The following PLAC1 variants were observed in gnomAD, a reference collection of about 807,000 sequenced individuals.
PLAC1 encodes the protein placenta associated 1, also known as placenta-specific protein 1.
For missense variants in PLAC1, 136 were observed against 163.2 expected (o/e 0.83, Z 0.91); for synonymous variants, 68 against 62.1 (o/e 1.09, Z -0.44).
chrX:134,690,994 ATATATATATATATATATATATATATATG>A (rs1232195932), intron 2 of PLAC1, among the ~76,000 whole-genome samples: 15 of 10,091 alleles, frequency 1.5e-3, no homozygotes, highest in East Asian at 0.013. Context: ...ATATATATAT[ATATATATATATATATATATATATATATG>A]TATATATCAT....
At chrX:134,662,629 T>C (rs1461982651), upstream of PLAC1, among the ~76,000 whole-genome samples, 1 of 112,657 alleles carries the variant, frequency 8.9e-6, no homozygotes, top group Non-Finnish European at 1.9e-5. Flanking sequence ...ACTATGTGGC[T>C]ACAAAGCCTG....
At chrX:134,700,233 A>T (rs764439348) in intron 2 of PLAC1, among the ~76,000 whole-genome samples, 2 of 111,079 alleles carry the variant, frequency 1.8e-5, no homozygotes. Flanking sequence ...TTCTCCCCTA[A>T]CTCCATGAGA....
At chrX:134,763,821 AAAAAAAGAAAG>A (rs1471866123) in intron 1 of PLAC1, among the ~76,000 whole-genome samples, 4 of 61,416 alleles carry the variant, frequency 6.5e-5, no homozygotes, top group African/African-American at 2.2e-4. Context: ...AACTCCGAAA[AAAAAAAGAAAG>A]AAAGAAAGAA....
At chrX:134,727,956 C>A (rs776343643) in intron 2 of PLAC1, among the ~76,000 whole-genome samples, 15 of 111,910 alleles carry the variant, frequency 1.3e-4, no homozygotes, top group Non-Finnish European at 2.4e-4. Context: ...TATTTTAAAA[C>A]AACCAAATAG....
Position 134,566,686 on chromosome X carries a change from T to C in PLAC1, c.-4A>G. Reference sequence around the variant, plus strand: ...CTATGAACTTAAAAACTTTCATCCCTGCAGCCAATCAGATAATGAACCACA... The same window carrying C: ...CTATGAACTTAAAAACTTTCATCCCCGCAGCCAATCAGATAATGAACCACA... On this transcript the variant is annotated 5_prime_UTR_variant, in exon 3 of 3. Transcript: ENST00000359237. The C allele has an allele frequency of 8.5e-7, 1 of 1,177,094 alleles. No individual in the cohort carries two copies. The highest frequency in any genetic ancestry group is 1.1e-6 in the Non-Finnish European group (1 of 873,683).
chrX:134,711,876 G>A (rs1405302076), intron 2 of PLAC1, among the ~76,000 whole-genome samples: 1 of 109,002 alleles, frequency 9.2e-6, no homozygotes, highest in East Asian at 2.9e-4. Context: ...TACTGAGGTC[G>A]CATCTACACA....
chrX:134,591,998 T>C (rs965551710), intron 2 of PLAC1, among the ~76,000 whole-genome samples: 3 of 112,482 alleles, frequency 2.7e-5, no homozygotes, highest in Non-Finnish European at 5.6e-5. Context: ...GATTTTGTTT[T>C]ACTGTTGAGT....
At chrX:134,671,590 G>GGAGAGAGAGA (rs567116941) in intron 2 of PLAC1, among the ~76,000 whole-genome samples, 3 of 104,811 alleles carry the variant, frequency 2.9e-5, no homozygotes, top group Non-Finnish European at 5.9e-5. Flanking sequence ...TGGTAGAACA[G>GGAGAGAGAGA]GAGAGAGAGA....
At chrX:134,701,252 G>T (rs1405766771) in intron 2 of PLAC1, among the ~76,000 whole-genome samples, 2 of 111,550 alleles carry the variant, frequency 1.8e-5, no homozygotes, top group East Asian at 5.6e-4. Flanking sequence ...GAATGAAACT[G>T]GACCCCTACC....
chrX:134,604,314 A>C (rs4609342), intron 1 of PLAC1, among the ~76,000 whole-genome samples: 4 of 111,533 alleles, frequency 3.6e-5, no homozygotes, highest in South Asian at 7.4e-4. Flanking sequence ...TTAGGATTCC[A>C]TTCCCTAATA....
At chrX:134,724,127 G>A (rs1030498392) in intron 2 of PLAC1, among the ~76,000 whole-genome samples, 2 of 112,002 alleles carry the variant, frequency 1.8e-5, no homozygotes, top group South Asian at 3.7e-4. Context: ...ACATGACAAC[G>A]CAATGCCAGG....
chrX:134,578,518 T>TC (rs1293121263), intron 2 of PLAC1, among the ~76,000 whole-genome samples: 102 of 87,967 alleles, frequency 1.2e-3, no homozygotes, highest in South Asian at 0.011. Context: ...TTTCTTTCTT[T>TC]TTTTTTTTTT....
intron 2 of PLAC1, among the ~76,000 whole-genome samples, chrX:134,684,499 G>A (rs1031940296): frequency 9.2e-6 from 1 of 108,281 alleles, no homozygotes; most frequent in Admixed American, 1.0e-4. Context: ...GAAAATCTCA[G>A]TATTTTCATA....
chrX:134,669,341 G>A (rs1026291815), intron 2 of PLAC1, among the ~76,000 whole-genome samples: 11 of 112,150 alleles, frequency 9.8e-5, no homozygotes, highest in Non-Finnish European at 1.9e-4. Context: ...TTCCCTAGCC[G>A]TGTGATGTTG....
rs147020029 is a variant in PLAC1 at position 134,648,994 on chromosome X, C to T, written c.-131+9334G>A. 4.7e-3 allele frequency among the ~76,000 whole-genome samples: 525 copies of T among 111,631 alleles called. 2 individuals are homozygous for T. Among genetic ancestry groups the T allele is most frequent in the African/African-American group, 0.016 (500 of 30,671 alleles). On this transcript the variant is annotated intron_variant, in intron 1 of 2. Coordinates refer to ENST00000359237, the MANE Select transcript of PLAC1 (RefSeq NM_021796.4). The stretch of plus-strand genomic sequence containing the variant: ...TATATTAAAGACAAAGCAGGCCGGG[C>T]GCAGTGGCTCACGTCTGTAATCCCA...
intron 1 of PLAC1, among the ~76,000 whole-genome samples, chrX:134,637,518 G>C (rs954647542): frequency 1.8e-5 from 2 of 111,879 alleles, no homozygotes; most frequent in African/African-American, 6.5e-5. Context: ...AAAGTTTAGA[G>C]ATAGTAAAGG....
intron 1 of PLAC1, among the ~76,000 whole-genome samples, chrX:134,604,825 C>G (rs2078114793): frequency 9.0e-6 from 1 of 111,452 alleles, no homozygotes; most frequent in Admixed American, 9.5e-5. Flanking sequence ...TTAGTGGAAA[C>G]AACACTGCCC....
chrX:134,684,659 A>G (rs1161199402), intron 2 of PLAC1, among the ~76,000 whole-genome samples: 1 of 111,482 alleles, frequency 9.0e-6, no homozygotes, highest in East Asian at 2.8e-4. Context: ...TTACCACTTC[A>G]TTCTCAAGTA....
At chrX:134,659,812 G>T (rs1026393466), upstream of PLAC1, among the ~76,000 whole-genome samples, 7 of 112,009 alleles carry the variant, frequency 6.2e-5, no homozygotes, top group Non-Finnish European at 7.5e-5. Flanking sequence ...TTGTAGAACA[G>T]CCCTGATTTC....
Sources: gnomAD v4.1 joint callset for allele counts (sites outside exome capture counted in the v4.1 genomes callset) on GRCh38, gnomAD v4.1.1 for gene constraint, MANE v1.5 for transcripts, NCBI Gene and HGNC (gene_info 2026-07-23, HGNC 2026-07-21) for gene names.